The following EVA1C variants were observed in gnomAD, a reference collection of about 807,000 sequenced individuals.
The protein encoded by EVA1C is eva-1 homolog C, also known as protein eva-1 homolog C.
EVA1C carries 25 observed loss-of-function variants against 45.4 expected under a neutral mutation model. That is an observed-to-expected ratio of 0.55 (90% confidence interval 0.40 to 0.77). The LOEUF (loss-of-function observed/expected upper bound fraction) is 0.77, where lower values mean the gene tolerates loss of function less well. Among genes scored for constraint, EVA1C ranks in the 30% least tolerant of loss-of-function variants. EVA1C has a pLI of 0.00. For missense variants in EVA1C, 479 were observed against 554.8 expected (o/e 0.86, Z 1.37); for synonymous variants, 190 against 221.2 (o/e 0.86, Z 1.25).
At position 32,490,007 on chromosome 21, in the gene EVA1C, T is replaced by C. The variant is rs1250276235; in HGVS notation, c.635-5020T>C. 2.0e-5 allele frequency among the ~76,000 whole-genome samples: 3 copies of C among 152,172 alleles called. No individual in the cohort carries two copies. The East Asian group carries it at 5.8e-4, about 29-fold the overall frequency. ...TTAGTAGAGATGGGGTTTCACCACA[T>C]TGGCCAGGCTGGTCTTGAACTCCTG... is the stretch of plus-strand genomic sequence containing the variant. On this transcript the variant is annotated intron_variant, in intron 4 of 7. Transcript: ENST00000300255.
chr21:32,486,414 C>T (rs985289719), intron 4 of EVA1C, among the ~76,000 whole-genome samples: 2 of 152,112 alleles, frequency 1.3e-5, no homozygotes, highest in African/African-American at 2.4e-5. Context: ...CGTGAGCCAC[C>T]GCACCCGGCC....
chr21:32,444,053 AACACACACACACACACACAC>A (rs60086580), intron 1 of EVA1C, among the ~76,000 whole-genome samples: 1 of 139,938 alleles, frequency 7.1e-6, no homozygotes, highest in Non-Finnish European at 1.6e-5. Flanking sequence ...ATTGTGTGAA[AACACACACACACACACACAC>A]ACACACACAC....
At chr21:32,449,846 C>T (rs1386126139) in intron 1 of EVA1C, among the ~76,000 whole-genome samples, 1 of 152,028 alleles carries the variant, frequency 6.6e-6, no homozygotes, top group Non-Finnish European at 1.5e-5. Context: ...TGGTCTCGAA[C>T]CCCTGACCTC....
At chr21:32,445,425 A>C (rs1401019075) in intron 1 of EVA1C, among the ~76,000 whole-genome samples, 2 of 152,184 alleles carry the variant, frequency 1.3e-5, no homozygotes, top group Non-Finnish European at 2.9e-5. Context: ...TTGTGAGCAA[A>C]AGGTGAGCGA....
chr21:32,432,329 T>C (rs2833822), intron 1 of EVA1C, among the ~76,000 whole-genome samples: 86,638 of 150,762 alleles, frequency 0.57, 27,725 homozygotes, highest in African/African-American at 0.87. Context: ...TCTGATTAAC[T>C]GATCATCTTC....
chr21:32,473,506 C>T (rs758900353), intron 4 of EVA1C, among the ~76,000 whole-genome samples: 2 of 152,188 alleles, frequency 1.3e-5, no homozygotes, highest in Non-Finnish European at 1.5e-5. Flanking sequence ...ACCCGCTATC[C>T]GTCCCTCCCT....
chr21:32,483,962 ATGTGTGTGTGTGTGTGTGTGTG>A (rs55688415), intron 4 of EVA1C, among the ~76,000 whole-genome samples: 4 of 147,230 alleles, frequency 2.7e-5, no homozygotes, highest in Admixed American at 1.4e-4. Flanking sequence ...CTCACTGTTT[ATGTGTGTGTGTGTGTGTGTGTG>A]TGTGTGTGTG....
intron 4 of EVA1C, among the ~76,000 whole-genome samples, chr21:32,480,302 T>TAAAAAAAAA (rs56902183): frequency 4.8e-5 from 5 of 105,186 alleles, no homozygotes; most frequent in Admixed American, 1.1e-4. Context: ...CCCTGTCTCT[T>TAAAAAAAAA]AAAAAAAAAA....
chr21:32,472,162 T>A (rs8134424), intron 4 of EVA1C, among the ~76,000 whole-genome samples: 6,754 of 151,830 alleles, frequency 0.044, 382 homozygotes, highest in African/African-American at 0.13. Context: ...TTAATTTATT[T>A]ATTTATTTAT....
intron 1 of EVA1C, among the ~76,000 whole-genome samples, chr21:32,445,408 A>T (rs968315349): frequency 6.6e-6 from 1 of 152,200 alleles, no homozygotes; most frequent in Admixed American, 6.5e-5. Context: ...GCCTGCAAGG[A>T]ATCTCCTTGT....
intron 1 of EVA1C, among the ~76,000 whole-genome samples, chr21:32,439,251 T>G (rs754445647): frequency 3.8e-4 from 24 of 63,462 alleles, no homozygotes; most frequent in Admixed American, 8.6e-4. Context: ...AAAAAAAAGA[T>G]TGGGGCAATC....
intron 4 of EVA1C, among the ~76,000 whole-genome samples, chr21:32,488,519 G>C (rs1231251448): frequency 6.6e-6 from 1 of 151,334 alleles, no homozygotes; most frequent in Non-Finnish European, 1.5e-5. Context: ...ATGGTATCTT[G>C]TTGTGGTTTT....
chr21:32,449,310 C>G (rs1288011383), intron 1 of EVA1C, among the ~76,000 whole-genome samples: 1 of 152,248 alleles, frequency 6.6e-6, no homozygotes, highest in South Asian at 2.1e-4. Context: ...GTGGCTCCAC[C>G]ATTGTGGTAT....
At chr21:32,425,973 T>A (rs938310098) in intron 1 of EVA1C, among the ~76,000 whole-genome samples, 24 of 149,914 alleles carry the variant, frequency 1.6e-4, no homozygotes, top group Non-Finnish European at 2.2e-4. Context: ...TTTTTTTTTT[T>A]AAATCAGAGT....
chr21:32,508,303 T>C (rs565126511), intron 7 of EVA1C, among the ~76,000 whole-genome samples: 4 of 152,318 alleles, frequency 2.6e-5, no homozygotes, highest in Non-Finnish European at 2.9e-5. Flanking sequence ...CTTGGGACAG[T>C]GACAGATATG....
chr21:32,488,226 T>C (rs2037038171), intron 4 of EVA1C, among the ~76,000 whole-genome samples: 1 of 152,204 alleles, frequency 6.6e-6, no homozygotes, highest in Admixed American at 6.5e-5. Flanking sequence ...TAGACATTTC[T>C]CCAAGAAAGA....
At chr21:32,448,498 C>T (rs1360618976) in intron 1 of EVA1C, among the ~76,000 whole-genome samples, 1 of 152,150 alleles carries the variant, frequency 6.6e-6, no homozygotes, top group Non-Finnish European at 1.5e-5. Context: ...GTTCTCCCCT[C>T]CCTAACGCTA....
intron 1 of EVA1C, among the ~76,000 whole-genome samples, chr21:32,431,680 A>G (rs1338415953): frequency 6.6e-6 from 1 of 152,186 alleles, no homozygotes; most frequent in Non-Finnish European, 1.5e-5. Flanking sequence ...CAGACACAGA[A>G]GCGTTGCAAG....
intron 7 of EVA1C, 118 bp from the exon 8 acceptor site, chr21:32,514,696 C>A: frequency 1.7e-6 from 2 of 1,198,652 alleles, no homozygotes; most frequent in Non-Finnish European, 2.3e-6. Flanking sequence ...CTCAAAGATG[C>A]TGGACTGGCA....
Sources: allele counts gnomAD v4.1 joint callset (sites outside exome capture counted in the v4.1 genomes callset), GRCh38; gene constraint gnomAD v4.1.1; transcripts MANE v1.5; gene names NCBI Gene and HGNC (gene_info 2026-07-23, HGNC 2026-07-21).